Variants in LTBR observed in about 807,000 individuals in gnomAD.
The protein encoded by LTBR is lymphotoxin beta receptor, also known as tumor necrosis factor receptor superfamily member 3.
LTBR carries 15 observed loss-of-function variants against 45.4 expected under a neutral mutation model. That is an observed-to-expected ratio of 0.33 (90% CI 0.22 to 0.51). The LOEUF (loss-of-function observed/expected upper bound fraction) is 0.51, where lower values mean the gene tolerates loss of function less well. LTBR is among the 20% of genes least tolerant of loss of function. LTBR has a pLI of 0.97. For missense variants in LTBR, 450 were observed against 565.5 expected, an observed-to-expected ratio of 0.80 and a Z score of 2.07; for synonymous variants, 228 against 231.0, an observed-to-expected ratio of 0.99 and a Z score of 0.12.
Position 6,388,359 on chromosome 12 carries a change from T to C in LTBR, c.668-39T>C, listed in dbSNP as rs748916641. 2 of 1,491,038 alleles carry C rather than the reference T, an allele frequency of 1.3e-6. No individual in the cohort carries two copies. The highest frequency in any genetic ancestry group is 1.9e-6 in the Non-Finnish European group (2 of 1,069,352). 92.4% of individuals were successfully genotyped at this position (1,491,038 alleles called of 1,614,324 possible). A position where few individuals can be genotyped will look rare whatever the true frequency, so the allele number is the denominator to read the frequency against. On this transcript the variant is annotated intron_variant, in intron 6 of 9. Transcript: ENST00000228918. This position sits in a 1 kb window ranked among gnomAD's most constrained non-coding sequence, Gnocchi z 4.3. ...CTTCTCCTCCTCCCCTCTGCCCTTC[T>C]TGGGGCTGTGATCACCCTCCTGTCT...
At position 6,388,911 on chromosome 12, in the gene LTBR, C is replaced by A; in HGVS notation, c.801+86C>A. The A allele has an allele frequency of 6.8e-7, 1 of 1,479,088 alleles. No homozygotes were observed. The highest frequency in any genetic ancestry group is 9.4e-7 in the Non-Finnish European group (1 of 1,059,976). 91.6% of individuals were successfully genotyped at this position (1,479,088 alleles called of 1,614,324 possible). On this transcript the variant is annotated intron_variant, in intron 8 of 9. Coordinates refer to ENST00000228918, the MANE Select transcript of LTBR (RefSeq NM_002342.3). This position sits in a 1 kb window ranked among gnomAD's most constrained non-coding sequence, Gnocchi z 4.3. ...AGCAGACAGGAAGAGAGTATGCAGG[C>A]TGACTCCACACTCATTCATTCATTC...
chr12:6,386,650 T>C lies in LTBR; in HGVS notation c.667+206T>C. 1.8e-6 allele frequency: 1 copy of C among 570,332 alleles called. No homozygotes were observed. The highest frequency in any genetic ancestry group is 2.2e-5 in the South Asian group (1 of 44,928). The allele number at this position is 570,332 out of a possible 1,614,324, so 35.3% of individuals were successfully genotyped here. Reference sequence around the variant, plus strand: ...ACACACACACACTTTTAAAATTATATATACTGTAATACTATGTCAAGGAAC... The same window carrying C: ...ACACACACACACTTTTAAAATTATACATACTGTAATACTATGTCAAGGAAC... On this transcript the variant is annotated intron_variant, in intron 6 of 9. Coordinates refer to ENST00000228918, the MANE Select transcript of LTBR (RefSeq NM_002342.3). This position sits in a 1 kb window ranked among gnomAD's most constrained non-coding sequence, Gnocchi z 4.1.
upstream of LTBR, chr12:6,375,413 C>A: frequency 6.6e-7 from 1 of 1,519,402 alleles, no homozygotes. Flanking sequence ...GAGGTCTGGG[C>A]TGCCTCCAGC....
intron 1 of LTBR, chr12:6,377,661 C>T (rs1948933224): frequency 7.7e-7 from 1 of 1,304,658 alleles, no homozygotes; most frequent in Non-Finnish European, 1.0e-6. Flanking sequence ...TGAGCCAGGT[C>T]CTTACATTGG....
chr12:6,381,127 T>C (rs11831706), upstream of LTBR, among the ~76,000 whole-genome samples: 21,787 of 151,922 alleles, frequency 0.14, 2,990 homozygotes, highest in African/African-American at 0.33. Context: ...AACTGGTACA[T>C]GGGTGATGGA....
chr12:6,375,392 C>T (rs1948886970), upstream of LTBR: 1 of 1,489,976 alleles, frequency 6.7e-7, no homozygotes, highest in Admixed American at 2.2e-5. Flanking sequence ...CCCAGGACTG[C>T]AGGGCTCCAG....
intron 1 of LTBR, among the ~76,000 whole-genome samples, chr12:6,377,886 C>T (rs769377305): frequency 6.6e-6 from 1 of 152,200 alleles, no homozygotes; most frequent in South Asian, 2.1e-4. Context: ...GACCCTGCCA[C>T]GTCCTGCCGG....
At position 6,391,058 on chromosome 12, in the gene LTBR, A is replaced by ATCCC; in HGVS notation, c.*122_*123insCCCT. 1 of 1,070,452 alleles carries ATCCC rather than the reference A, an allele frequency of 9.3e-7. No individual in the cohort carries two copies. The highest frequency in any genetic ancestry group is 1.3e-6 in the Non-Finnish European group (1 of 775,570). 66.3% of individuals were successfully genotyped at this position (1,070,452 alleles called of 1,614,324 possible). On this transcript the variant is annotated 3_prime_UTR_variant, in exon 10 of 10. Transcript: ENST00000228918. ...GCCCGGGGAAGCAGAGCCCTAAGGGATTAAGGCTCAGACACCTCTGAGAGC... is the reference window on the plus strand; with the variant it reads ...GCCCGGGGAAGCAGAGCCCTAAGGGATCCCTTAAGGCTCAGACACCTCTGAGAGC...
Position 6,386,085 on chromosome 12 carries a change from C to G in LTBR, c.492C>G (p.Asn164Lys). The G allele has an allele frequency of 6.2e-7, 1 of 1,613,884 alleles. No individual in the cohort carries two copies. The highest frequency in any genetic ancestry group is 8.5e-7 in the Non-Finnish European group (1 of 1,179,848). ...TGCCAGATGAAGTTGGGAAGGGTAA[C>G]AACCACTGCGTCCCCTGCAAGGCCG... is the stretch of plus-strand genomic sequence containing the variant. ...AELKDEVGKG[N>K]NHCVPCKAGH... The change falls in exon 5 of 10, where the codon AAC (asparagine) becomes AAG (lysine). Residue 164 changes from asparagine to lysine, a missense_variant. Around this residue, in one of 3 missense-constraint regions of LTBR, gnomAD observed 367 missense variants for 435.4 expected, o/e 0.84. Coordinates refer to ENST00000228918, the MANE Select transcript of LTBR (RefSeq NM_002342.3). This position sits in a 1 kb window ranked among gnomAD's most constrained non-coding sequence, Gnocchi z 4.1.
At chr12:6,381,465 G>A (rs1948983790), upstream of LTBR, among the ~76,000 whole-genome samples, 1 of 152,222 alleles carries the variant, frequency 6.6e-6, no homozygotes, top group African/African-American at 2.4e-5. Context: ...GGCACACAGA[G>A]ATAAAGTGAT....
rs1445503364 is a variant in LTBR, at chr12:6,391,459, TA to T, written c.*523del. 6.6e-6 allele frequency: 1 copy of T among 152,140 alleles called. No individual in the cohort carries two copies. Among genetic ancestry groups the T allele is most frequent in the African/African-American group, 2.4e-5 (1 of 41,390 alleles). 9.4% of individuals were successfully genotyped at this position (152,140 alleles called of 1,614,324 possible). ...GAGAGGAAAGGGAGTCATTAACAAC[TA>T]GGGGGTTGGGTAGGATTCCTAGGTA... On this transcript the variant is annotated 3_prime_UTR_variant, in exon 10 of 10. Transcript: ENST00000228918.
At chr12:6,377,583 G>T in intron 1 of LTBR, 2 of 1,046,718 alleles carry the variant, frequency 1.9e-6, no homozygotes, top group Non-Finnish European at 2.7e-6. Context: ...TTGGCTCTGT[G>T]AAAAGGTCTC....
chr12:6,385,556 A>T, intron 4 of LTBR, 177 bp downstream of exon 4: 1 of 767,528 alleles, frequency 1.3e-6, no homozygotes, highest in East Asian at 2.7e-5. Flanking sequence ...TGGAACTGGG[A>T]CAGGTGCAGG....
At chr12:6,382,492 G>C (rs1351523650), upstream of LTBR, among the ~76,000 whole-genome samples, 2 of 152,198 alleles carry the variant, frequency 1.3e-5, no homozygotes, top group Non-Finnish European at 1.5e-5. Context: ...ACGCGTTTAA[G>C]AGCTCAGCAG....
chr12:6,390,196 C>T lies in LTBR; in HGVS notation c.886C>T (p.Pro296Ser), dbSNP rs11555386. The change falls in exon 9 of 10, where the codon CCC (proline) becomes TCC (serine). Residue 296 changes from proline (P) to serine (S), a missense_variant. By Grantham distance (74) the Pro-to-Ser change is moderately conservative (BLOSUM62 -1). This residue lies in a region of LTBR where 367 missense variants were observed against 435.4 expected (regional missense o/e 0.84). Transcript: ENST00000228918. ...CCCTGACTTGGTACAGCCACTGCTACCCATTTCTGGAGATGTTTCCCCAGT... is the reference window on the plus strand; with the variant it reads ...CCCTGACTTGGTACAGCCACTGCTATCCATTTCTGGAGATGTTTCCCCAGT... Reference protein sequence around the residue: ...YFPDLVQPLLPISGDVSPVST... With the variant: ...YFPDLVQPLLSISGDVSPVST... 5 of 1,614,146 alleles carry T rather than the reference C, an allele frequency of 3.1e-6. No homozygotes were observed. The South Asian group carries it at 5.5e-5, about 18-fold the overall frequency.
intron 6 of LTBR, chr12:6,387,950 G>A (rs1486032176): frequency 4.7e-6 from 2 of 421,804 alleles, no homozygotes; most frequent in Non-Finnish European, 9.6e-6. Context: ...CTCTACAGCA[G>A]CCCCTCTGTA....
At chr12:6,376,562 G>A (rs918808530) in intron 1 of LTBR, among the ~76,000 whole-genome samples, 13 of 152,362 alleles carry the variant, frequency 8.5e-5, no homozygotes, top group African/African-American at 2.9e-4. Context: ...GACAGGCCCT[G>A]GGAGGAGGAG....
Position 6,390,245 on chromosome 12 carries a change from C to T in LTBR, c.935C>T (p.Pro312Leu). 6.2e-7 allele frequency: 1 copy of T among 1,614,088 alleles called. No homozygotes were observed. Among genetic ancestry groups the T allele is most frequent in the Non-Finnish European group, 8.5e-7 (1 of 1,180,004 alleles). ...GTATCCACTGGGCTCCCCGCAGCCCCAGTTTTGGAGGCAGGGGTGCCGCAA... is the reference window on the plus strand; with the variant it reads ...GTATCCACTGGGCTCCCCGCAGCCCTAGTTTTGGAGGCAGGGGTGCCGCAA... ...SPVSTGLPAAPVLEAGVPQQQ... is the reference protein window; with the variant it reads ...SPVSTGLPAALVLEAGVPQQQ... Residue 312 changes from proline to leucine, a missense_variant, in exon 9 of 10, where the codon CCA becomes CTA. Transcript: ENST00000228918.
At chr12:6,377,378 A>C in intron 1 of LTBR, 1 of 939,678 alleles carries the variant, frequency 1.1e-6, no homozygotes, top group Non-Finnish European at 1.6e-6. Flanking sequence ...AAATAGGAGC[A>C]GAGCTATAAA....
Sources: gnomAD v4.1 joint callset for allele counts (sites outside exome capture counted in the v4.1 genomes callset) on GRCh38, gnomAD v4.1.1 for gene constraint, gnomAD v4.1.1 regional missense constraint, Gnocchi (gnomAD v3.1) non-coding constraint, MANE v1.5 for transcripts, NCBI Gene and HGNC (gene_info 2026-07-23, HGNC 2026-07-21) for gene names.